Variants in TAFA5 observed in about 807,000 individuals in gnomAD.
TAFA5 encodes chemokine-like protein TAFA-5.
In TAFA5, 6 loss-of-function variants were observed where a neutral mutation model predicts 15.3. The observed-to-expected ratio is 0.39, with a 90% CI of 0.21 to 0.77. The LOEUF (loss-of-function observed/expected upper bound fraction) is 0.77. TAFA5 is among the 30% of genes least tolerant of loss of function. TAFA5 has a pLI of 0.41. For missense variants in TAFA5, 161 were observed against 193.1 expected (o/e 0.83, Z 0.98); for synonymous variants, 103 against 80.7 (o/e 1.28, Z -1.48).
intron 1 of TAFA5, among the ~76,000 whole-genome samples, chr22:48,563,126 C>T (rs1459072156): frequency 6.6e-6 from 1 of 152,236 alleles, no homozygotes; most frequent in African/African-American, 2.4e-5. Context: ...GTGCCGGCCG[C>T]CCCTCCTCAG....
intron 1 of TAFA5, among the ~76,000 whole-genome samples, chr22:48,580,654 A>C (rs1010123549): frequency 3.3e-5 from 5 of 152,130 alleles, no homozygotes; most frequent in Non-Finnish European, 5.9e-5. Context: ...AACTCACTGC[A>C]CGCGGTGTGT....
chr22:48,685,228 T>C (rs1047811745), intron 2 of TAFA5, among the ~76,000 whole-genome samples: 3 of 152,144 alleles, frequency 2.0e-5, no homozygotes, highest in African/African-American at 7.2e-5. Flanking sequence ...GGAGTTAAAA[T>C]GGGAGGTTAT....
chr22:48,701,476 C>T (rs1031029562), intron 2 of TAFA5, among the ~76,000 whole-genome samples: 6 of 152,150 alleles, frequency 3.9e-5, no homozygotes, highest in Non-Finnish European at 1.5e-5. Context: ...TCGGCGCAAC[C>T]CTCAGCTGCC....
intron 2 of TAFA5, among the ~76,000 whole-genome samples, chr22:48,687,677 T>C (rs1928406425): frequency 6.6e-6 from 1 of 152,034 alleles, no homozygotes; most frequent in Non-Finnish European, 1.5e-5. Flanking sequence ...AACTCTCCCC[T>C]CCTCACTCTC....
At chr22:48,555,354 G>A (rs1316209275) in intron 1 of TAFA5, among the ~76,000 whole-genome samples, 1 of 152,216 alleles carries the variant, frequency 6.6e-6, no homozygotes, top group Admixed American at 6.5e-5. Context: ...TGTCTCACCA[G>A]CAGAGCAAGC....
At chr22:48,570,757 C>T (rs1923554355) in intron 1 of TAFA5, among the ~76,000 whole-genome samples, 3 of 152,134 alleles carry the variant, frequency 2.0e-5, no homozygotes, top group African/African-American at 7.2e-5. Context: ...AATTTGTGTA[C>T]ATGTTGGTTT....
chr22:48,720,014 T>A (rs1390105396), intron 3 of TAFA5, among the ~76,000 whole-genome samples: 1 of 152,176 alleles, frequency 6.6e-6, no homozygotes, highest in Non-Finnish European at 1.5e-5. Context: ...TTACAGTAAT[T>A]GTCCTGCATT....
At chr22:48,568,766 T>C (rs1923487651) in intron 1 of TAFA5, among the ~76,000 whole-genome samples, 1 of 152,184 alleles carries the variant, frequency 6.6e-6, no homozygotes, top group African/African-American at 2.4e-5. Flanking sequence ...CATTGCTTTT[T>C]GCCCCATGCT....
intron 1 of TAFA5, among the ~76,000 whole-genome samples, chr22:48,623,200 G>A (rs1925902158): frequency 6.6e-6 from 1 of 152,188 alleles, no homozygotes; most frequent in African/African-American, 2.4e-5. Flanking sequence ...AGCAGCCGCA[G>A]CCTGTTGCGT....
At position 48,603,777 on chromosome 22, in the gene TAFA5, G is replaced by A. The variant is rs79951845; in HGVS notation, c.113-42820G>A. On this transcript the variant is annotated intron_variant, in intron 1 of 3. Coordinates refer to ENST00000402357, the MANE Select transcript of TAFA5 (RefSeq NM_001082967.3). ...TCATCATAACACAGGCACTGCTCCC[G>A]CCTGCAGTCCTCTCTCTGGCCAGGC... Among the ~76,000 whole-genome samples, 782 of 152,220 alleles carry A rather than the reference G, an allele frequency of 5.1e-3. 46 individuals are homozygous for A. In the East Asian group the frequency reaches 0.13, roughly 25 times the overall value.
At chr22:48,678,160 C>T (rs555925813) in intron 2 of TAFA5, among the ~76,000 whole-genome samples, 6 of 152,338 alleles carry the variant, frequency 3.9e-5, no homozygotes, top group African/African-American at 9.6e-5. Flanking sequence ...TTTCCTGGGG[C>T]GGCTGCTCTG....
intron 3 of TAFA5, among the ~76,000 whole-genome samples, chr22:48,746,949 GCCAGCACC>G (rs1437449722): frequency 6.6e-6 from 1 of 152,164 alleles, no homozygotes; most frequent in Non-Finnish European, 1.5e-5. Context: ...GAGGCTGGTG[GCCAGCACC>G]TCCCTTCCAG....
rs1034166845 is a variant in TAFA5 at position 48,652,655 on chromosome 22, GC to G, written c.262+5912del. On this transcript the variant is annotated intron_variant, in intron 2 of 3. Transcript: ENST00000402357. Reference sequence around the variant, plus strand: ...GATAATGAAGCTGTTTTTCAGAGGGGCCCAGACCCCCACGTGGAGCACCGGC... The same window carrying G: ...GATAATGAAGCTGTTTTTCAGAGGGGCCAGACCCCCACGTGGAGCACCGGC... Among the ~76,000 whole-genome samples the G allele has an allele frequency of 3.2e-4, 49 of 152,178 alleles. 1 individual carries two copies. The highest frequency in any genetic ancestry group is 8.3e-4 in the South Asian group (4 of 4,828).
chr22:48,634,769 C>CTACT (rs112678301), intron 1 of TAFA5, among the ~76,000 whole-genome samples: 1 of 151,432 alleles, frequency 6.6e-6, no homozygotes, highest in African/African-American at 2.4e-5. Flanking sequence ...AGTCACTCAG[C>CTACT]CACTCATTTA....
chr22:48,650,502 A>T (rs577207384), intron 2 of TAFA5, among the ~76,000 whole-genome samples: 28 of 152,142 alleles, frequency 1.8e-4, no homozygotes, highest in Non-Finnish European at 1.5e-4. Flanking sequence ...GGATGCATCC[A>T]TGAGGGGGCA....
At chr22:48,537,125 C>G (rs1039382785) in intron 1 of TAFA5, among the ~76,000 whole-genome samples, 1 of 152,082 alleles carries the variant, frequency 6.6e-6, no homozygotes, top group Non-Finnish European at 1.5e-5. Context: ...CTGACTTGAG[C>G]CAGATGGCTT....
At chr22:48,642,796 G>C (rs573470958) in intron 1 of TAFA5, among the ~76,000 whole-genome samples, 91 of 152,198 alleles carry the variant, frequency 6.0e-4, no homozygotes, top group African/African-American at 2.0e-3. Flanking sequence ...TGGGGGGTGT[G>C]TTTGGTCTGT....
chr22:48,606,593 C>T (rs1925201841), intron 1 of TAFA5, among the ~76,000 whole-genome samples: 1 of 152,246 alleles, frequency 6.6e-6, no homozygotes, highest in Non-Finnish European at 1.5e-5. Context: ...GTCTGATTTT[C>T]TTCTTTTTAT....
intron 2 of TAFA5, among the ~76,000 whole-genome samples, chr22:48,693,075 G>A (rs1321446069): frequency 6.6e-6 from 1 of 152,256 alleles, no homozygotes; most frequent in Non-Finnish European, 1.5e-5. Context: ...GCCCAAGGCC[G>A]TTGGAACGCT....
Sources: allele counts gnomAD v4.1 joint callset (sites outside exome capture counted in the v4.1 genomes callset), GRCh38; gene constraint gnomAD v4.1.1; transcripts MANE v1.5; gene names NCBI Gene and HGNC (gene_info 2026-07-23, HGNC 2026-07-21).